Variants in CDH13 observed in about 807,000 individuals in gnomAD.
CDH13 encodes the protein cadherin 13, also known as cadherin-13.
CDH13 carries 24 observed loss-of-function variants against 63.8 expected under a neutral mutation model. That is an observed-to-expected ratio of 0.38 (90% CI 0.27 to 0.53). CDH13 has a LOEUF of 0.53. CDH13 is among the 20% of genes least tolerant of loss of function. CDH13 has a pLI of 0.85. For synonymous variants in CDH13, 503 were observed against 355.3 expected (o/e 1.42, Z -4.67); for missense variants, 1,049 against 903.1 (o/e 1.16, Z -2.07).
chr16:83,307,471 T>C (rs773576400), intron 5 of CDH13, among the ~76,000 whole-genome samples: 1 of 152,200 alleles, frequency 6.6e-6, no homozygotes, highest in Non-Finnish European at 1.5e-5. Context: ...TTGTCTGTAG[T>C]TGTGTGGGCA....
chr16:83,523,231 C>T (rs2074881533), intron 7 of CDH13, among the ~76,000 whole-genome samples: 1 of 152,178 alleles, frequency 6.6e-6, no homozygotes, highest in African/African-American at 2.4e-5. Context: ...CACCCTGTAG[C>T]TGTAGCACTT....
At chr16:82,977,824 A>T (rs768113624) in intron 2 of CDH13, among the ~76,000 whole-genome samples, 1 of 152,192 alleles carries the variant, frequency 6.6e-6, no homozygotes, top group African/African-American at 2.4e-5. Context: ...AGAAGAAGAC[A>T]GGAAAATGTG....
intron 13 of CDH13, 142 bp downstream of exon 13, chr16:83,783,614 A>G: frequency 1.3e-6 from 1 of 742,190 alleles, no homozygotes; most frequent in South Asian, 1.5e-5. Flanking sequence ...TCTGTATGAT[A>G]GAACATGTTA....
At chr16:82,827,780 C>T (rs2038324391) in intron 1 of CDH13, among the ~76,000 whole-genome samples, 1 of 152,006 alleles carries the variant, frequency 6.6e-6, no homozygotes, top group African/African-American at 2.4e-5. Flanking sequence ...GTTATTTGAG[C>T]AGAACAATAA....
chr16:83,419,441 A>T (rs1282203770), intron 6 of CDH13, among the ~76,000 whole-genome samples: 3 of 152,000 alleles, frequency 2.0e-5, no homozygotes, highest in Admixed American at 1.3e-4. Context: ...TCTTATTTAA[A>T]CCCCTCAGCC....
At position 82,758,169 on chromosome 16, in the gene CDH13, G is replaced by A. The variant is rs1273194104; in HGVS notation, c.46-100193G>A. On this transcript the variant is annotated intron_variant, in intron 1 of 13. Coordinates refer to ENST00000567109, the MANE Select transcript of CDH13 (RefSeq NM_001257.5). ...GGGAAAAGACCTGGTCAAAATTGAG[G>A]AATGGGCAATACTCACCTGGTATTT... Among the ~76,000 whole-genome samples, 5 of 152,088 alleles carry A rather than the reference G, an allele frequency of 3.3e-5. No individual in the cohort carries two copies. In the East Asian group the frequency reaches 9.6e-4, roughly 29 times the overall value.
intron 1 of CDH13, among the ~76,000 whole-genome samples, chr16:82,657,071 T>C (rs1911383976): frequency 6.6e-6 from 1 of 152,186 alleles, no homozygotes; most frequent in African/African-American, 2.4e-5. Flanking sequence ...CTCATATAGA[T>C]CTTGTATATA....
chr16:83,214,789 G>A (rs969498751), intron 4 of CDH13, among the ~76,000 whole-genome samples: 32 of 152,112 alleles, frequency 2.1e-4, no homozygotes, highest in African/African-American at 7.2e-4. Context: ...TGGGAAGTAA[G>A]TGGTGTCATC....
Position 82,717,499 on chromosome 16 carries a change from G to A in CDH13, c.45+90362G>A, listed in dbSNP as rs1036419479. ...CACTTACTCTCTTACAATCCTGGAA[G>A]GCAACTTGTTTCAATGGGCTAGAGG... On this transcript the variant is annotated intron_variant, in intron 1 of 13. Transcript: ENST00000567109. Among the ~76,000 whole-genome samples, 64 of 151,446 alleles carry A rather than the reference G, an allele frequency of 4.2e-4. 1 individual carries two copies. Among genetic ancestry groups the A allele is most frequent in the African/African-American group, 1.4e-3 (57 of 41,250 alleles).
chr16:83,278,932 G>A (rs1008985756), intron 5 of CDH13, among the ~76,000 whole-genome samples: 4 of 152,168 alleles, frequency 2.6e-5, no homozygotes, highest in African/African-American at 9.7e-5. Flanking sequence ...TAGCCAGCAT[G>A]CTAAGCCTGG....
At chr16:82,980,075 CT>C (rs1910059750) in intron 2 of CDH13, among the ~76,000 whole-genome samples, 1 of 152,056 alleles carries the variant, frequency 6.6e-6, no homozygotes, top group Non-Finnish European at 1.5e-5. Context: ...CCCCCAGGGG[CT>C]AGTGATGGCA....
At chr16:82,813,454 C>A (rs546519619) in intron 1 of CDH13, among the ~76,000 whole-genome samples, 9 of 152,288 alleles carry the variant, frequency 5.9e-5, no homozygotes, top group African/African-American at 2.2e-4. Flanking sequence ...GTAGACTCTT[C>A]TGTGCATCAA....
At chr16:83,314,590 T>G (rs1382974225) in intron 5 of CDH13, among the ~76,000 whole-genome samples, 2 of 152,090 alleles carry the variant, frequency 1.3e-5, no homozygotes, top group African/African-American at 4.8e-5. Flanking sequence ...TCATCTACAC[T>G]CTGTAAAGAC....
chr16:83,790,216 G>C (rs1355671890), intron 13 of CDH13: 1 of 152,186 alleles, frequency 6.6e-6, no homozygotes, highest in African/African-American at 2.4e-5. Flanking sequence ...TTACAGAAAA[G>C]GATAATAACA....
intron 7 of CDH13, among the ~76,000 whole-genome samples, chr16:83,569,590 A>T (rs1904380062): frequency 6.6e-6 from 1 of 152,182 alleles, no homozygotes; most frequent in Non-Finnish European, 1.5e-5. Context: ...CAATTGTGAA[A>T]TCCCTCCAGA....
chr16:82,813,978 C>G lies in CDH13; in HGVS notation c.46-44384C>G, dbSNP rs189445042. On this transcript the variant is annotated intron_variant, in intron 1 of 13. Transcript: ENST00000567109. ...CCATTGTCGAGACCCATCTATTCAG[C>G]ACATACTTGAGTTCCTATTCAAATA... Among the ~76,000 whole-genome samples, 578 of 152,224 alleles carry G rather than the reference C, an allele frequency of 3.8e-3. 3 individuals are homozygous for G. The highest frequency in any genetic ancestry group is 0.013 in the African/African-American group (550 of 41,546).
chr16:82,873,146 T>A (rs1359424524), intron 2 of CDH13, among the ~76,000 whole-genome samples: 1 of 152,046 alleles, frequency 6.6e-6, no homozygotes, highest in Non-Finnish European at 1.5e-5. Flanking sequence ...GAGGTAAAAA[T>A]CAATGGTATA....
intron 4 of CDH13, among the ~76,000 whole-genome samples, chr16:83,216,337 C>G (rs552442490): frequency 7.5e-4 from 103 of 137,772 alleles, no homozygotes; most frequent in African/African-American, 2.6e-3. Flanking sequence ...CTGACTCATT[C>G]TATCTCAGTG....
chr16:83,518,736 G>A (rs1376512662), intron 7 of CDH13, among the ~76,000 whole-genome samples: 1 of 152,028 alleles, frequency 6.6e-6, no homozygotes, highest in African/African-American at 2.4e-5. Context: ...CTCCCAAAGT[G>A]CTGGGATTAC....
Sources: allele counts gnomAD v4.1 joint callset (sites outside exome capture counted in the v4.1 genomes callset), GRCh38; gene constraint gnomAD v4.1.1; transcripts MANE v1.5; gene names NCBI Gene and HGNC (gene_info 2026-07-23, HGNC 2026-07-21).